The following MYH15 variants were observed in gnomAD, a reference collection of about 807,000 sequenced individuals.
MYH15 encodes the protein myosin-15.
In MYH15, 227 loss-of-function variants were observed where a neutral mutation model predicts 240.5. The observed-to-expected ratio is 0.94, with a 90% CI of 0.85 to 1.05. The LOEUF is 1.05. MYH15 is among the 50% of genes least tolerant of loss of function. The pLI is 0.00. For missense variants in MYH15, 2,217 were observed against 2,247.5 expected (o/e 0.99, Z 0.27); for synonymous variants, 785 against 796.7 (o/e 0.99, Z 0.25).
upstream of MYH15, chr3:108,510,728 G>A (rs1411699671): frequency 1.4e-5 from 11 of 809,324 alleles, no homozygotes; most frequent in Non-Finnish European, 9.4e-6. Context: ...TCTTCGCTAT[G>A]TCTCAAATTT....
intron 35 of MYH15, among the ~76,000 whole-genome samples, chr3:108,396,738 C>T (rs1360207928): frequency 1.3e-5 from 2 of 152,172 alleles, no homozygotes; most frequent in Non-Finnish European, 2.9e-5. Flanking sequence ...TATCTATAAC[C>T]TACAGACTAT....
chr3:108,417,011 G>T, intron 28 of MYH15, 81 bp from the exon 29 acceptor site: 2 of 1,123,044 alleles, frequency 1.8e-6, no homozygotes, highest in Non-Finnish European at 2.7e-6. Flanking sequence ...GACTTTAAGG[G>T]TAGCCAGAAT....
intron 40 of MYH15, among the ~76,000 whole-genome samples, chr3:108,383,385 T>G (rs1358594257): frequency 6.6e-6 from 1 of 152,210 alleles, no homozygotes; most frequent in Non-Finnish European, 1.5e-5. Flanking sequence ...ATAAATACAA[T>G]GTGCATGTCA....
upstream of MYH15, among the ~76,000 whole-genome samples, chr3:108,531,314 A>G (rs941966487): frequency 6.6e-6 from 1 of 152,210 alleles, no homozygotes; most frequent in African/African-American, 2.4e-5. Flanking sequence ...TCCTTTGAGA[A>G]GGGCAGGGTG....
chr3:108,416,889 T>G lies in MYH15; in HGVS notation c.3871A>C (p.Asn1291His). Reference sequence around the variant, plus strand: ...TTGCTCTTTTCCCTGGAAAGTTGGTTTATCAGAGCCTCCTTCTCTTCAAGC... The same window carrying G: ...TTGCTCTTTTCCCTGGAAAGTTGGTGTATCAGAGCCTCCTTCTCTTCAAGC... ...RRLEEKEALI[N>H]QLSREKSNFT... The change falls in exon 29 of 41, where the codon AAC (asparagine) becomes CAC (histidine). Residue 1291 changes from asparagine to histidine, a missense_variant. Transcript: ENST00000693548. The G allele has an allele frequency of 6.2e-7, 1 of 1,614,098 alleles. No homozygotes were observed. The highest frequency in any genetic ancestry group is 8.5e-7 in the Non-Finnish European group (1 of 1,179,976).
chr3:108,532,518 C>T (rs968844389), upstream of MYH15, among the ~76,000 whole-genome samples: 2 of 152,182 alleles, frequency 1.3e-5, no homozygotes, highest in African/African-American at 4.8e-5. Context: ...CACACTGAAA[C>T]TACACATTGG....
chr3:108,419,610 G>T (rs1050994414), intron 28 of MYH15, among the ~76,000 whole-genome samples: 7 of 152,184 alleles, frequency 4.6e-5, no homozygotes, highest in Admixed American at 2.6e-4. Flanking sequence ...CAAACTGGGG[G>T]CTTGGTAGCA....
chr3:108,454,108 T>A lies in MYH15; in HGVS notation c.2297A>T (p.Glu766Val). Residue 766 changes from glutamate (E) to valine (V), a missense_variant, in exon 21 of 41, where the codon GAA becomes GTA. Coordinates refer to ENST00000693548, the MANE Select transcript of MYH15 (RefSeq NM_014981.3). ...FFKAGFLGQL[E>V]AIRDERLSKV... is the part of the protein sequence containing the mutation. ...AGATAGTCTCTCATCTCTTATTGCT[T>A]CCAGTTGGCCCAGAAACCCAGCTTT... 1 of 1,611,378 alleles carries A rather than the reference T, an allele frequency of 6.2e-7. No individual in the cohort carries two copies. Among genetic ancestry groups the A allele is most frequent in the Non-Finnish European group, 8.5e-7 (1 of 1,178,134 alleles).
At chr3:108,442,236 G>A (rs189165480) in intron 22 of MYH15, among the ~76,000 whole-genome samples, 139 of 152,202 alleles carry the variant, frequency 9.1e-4, no homozygotes, top group African/African-American at 2.9e-3. Context: ...AAGAGTGGGG[G>A]GCTGGGGGGA....
At chr3:108,411,555 G>T (rs1336841045) in intron 30 of MYH15, among the ~76,000 whole-genome samples, 1 of 152,120 alleles carries the variant, frequency 6.6e-6, no homozygotes, top group Non-Finnish European at 1.5e-5. Flanking sequence ...GCCCCCATCT[G>T]CTGTTCCTTG....
chr3:108,393,966 G>A (rs1380339853), intron 36 of MYH15, 65 bp downstream of exon 36: 8 of 1,607,246 alleles, frequency 5.0e-6, no homozygotes, highest in South Asian at 4.4e-5. Flanking sequence ...ATGTGGCCCT[G>A]CCCCTTGGCC....
Position 108,405,270 on chromosome 3 carries a change from T to C in MYH15, c.4736+68A>G, listed in dbSNP as rs191689603. ...CAGGGGCCATAAAAGCAGCCAGACA[T>C]AATGAGCTCTGTTTAGTCAAGGATT... On this transcript the variant is annotated intron_variant, in intron 33 of 40. Coordinates refer to ENST00000693548, the MANE Select transcript of MYH15 (RefSeq NM_014981.3). 1.2e-3 allele frequency: 1,092 copies of C among 878,666 alleles called. 2 individuals carry two copies. The highest frequency in any genetic ancestry group is 2.4e-3 in the South Asian group (76 of 32,118). 54.4% of individuals were successfully genotyped at this position (878,666 alleles called of 1,614,324 possible).
chr3:108,456,721 G>T, intron 19 of MYH15, 45 bp downstream of exon 19: 1 of 1,394,296 alleles, frequency 7.2e-7, no homozygotes, highest in South Asian at 1.2e-5. Context: ...GAGGAAAACA[G>T]AATGAACTGC....
At chr3:108,513,687 A>T (rs1323608379), upstream of MYH15, among the ~76,000 whole-genome samples, 1 of 152,080 alleles carries the variant, frequency 6.6e-6, no homozygotes, top group Non-Finnish European at 1.5e-5. Flanking sequence ...ACATATGGAC[A>T]CTCCACTAAT....
At chr3:108,505,679 T>G (rs770271252) in intron 2 of MYH15, 44 bp downstream of exon 2, 1 of 1,072,590 alleles carries the variant, frequency 9.3e-7, no homozygotes, top group Non-Finnish European at 1.4e-6. Context: ...AGTTATTTGA[T>G]AGAGAACATA....
chr3:108,466,206 G>A (rs993063411), intron 14 of MYH15, among the ~76,000 whole-genome samples: 2 of 152,144 alleles, frequency 1.3e-5, no homozygotes, highest in African/African-American at 4.8e-5. Flanking sequence ...CTTATGAGAA[G>A]TCATTAAAAA....
intron 14 of MYH15, among the ~76,000 whole-genome samples, chr3:108,466,942 T>C (rs1194090955): frequency 1.3e-5 from 2 of 152,118 alleles, no homozygotes; most frequent in African/African-American, 4.8e-5. Context: ...CCAAAACAAA[T>C]AGTTGCAAAA....
chr3:108,428,811 C>T lies in MYH15; in HGVS notation c.3383G>A (p.Arg1128Lys). 6.2e-7 allele frequency: 1 copy of T among 1,614,050 alleles called. No homozygotes were observed. Among genetic ancestry groups the T allele is most frequent in the Non-Finnish European group, 8.5e-7 (1 of 1,179,994 alleles). The change falls in exon 27 of 41, where the codon AGA becomes AAA. Residue 1128 changes from arginine to lysine, a missense_variant. Coordinates refer to ENST00000693548, the MANE Select transcript of MYH15 (RefSeq NM_014981.3). Reference protein sequence around the residue: ...RTTRAKMERERADLTQDLADL... With the variant: ...RTTRAKMEREKADLTQDLADL... ...AGCCAGGTCTTGGGTGAGGTCAGCT[C>T]TCTCCCTTTCCATCTTGGCTCGAGT...
chr3:108,493,908 T>G (rs2083372488), intron 7 of MYH15, among the ~76,000 whole-genome samples: 1 of 152,228 alleles, frequency 6.6e-6, no homozygotes, highest in Non-Finnish European at 1.5e-5. Context: ...ATAGCACACC[T>G]TGGCATAAAT....
Sources: gnomAD v4.1 joint callset for allele counts (sites outside exome capture counted in the v4.1 genomes callset) on GRCh38, gnomAD v4.1.1 for gene constraint, MANE v1.5 for transcripts, NCBI Gene and HGNC (gene_info 2026-07-23, HGNC 2026-07-21) for gene names.